PID1: variants seen among roughly 807,000 people sequenced by gnomAD.
PID1 encodes the protein PTB-containing, cubilin and LRP1-interacting protein.
A neutral mutation model predicts 19.1 loss-of-function variants in PID1; 10 were observed. That is an observed-to-expected ratio of 0.52 (90% CI 0.32 to 0.89). PID1 has a LOEUF of 0.89. PID1 is among the 40% of genes least tolerant of loss of function. The pLI, the probability that PID1 is intolerant of heterozygous loss-of-function variation, is 0.03. For missense variants in PID1, 248 were observed against 285.3 expected (o/e 0.87, Z 0.94); for synonymous variants, 130 against 116.0 (o/e 1.12, Z -0.78).
intron 2 of PID1, among the ~76,000 whole-genome samples, chr2:229,051,279 C>CA (rs1468357073): frequency 1.1e-4 from 17 of 151,924 alleles, no homozygotes; most frequent in South Asian, 2.1e-4. Context: ...GATAAATATG[C>CA]AAAAAAAGCT....
At chr2:229,260,304 T>C (rs944067367) in intron 1 of PID1, among the ~76,000 whole-genome samples, 1 of 151,928 alleles carries the variant, frequency 6.6e-6, no homozygotes, top group South Asian at 2.1e-4. Context: ...ACAACCTAAA[T>C]ACTCCCTCAA....
At chr2:229,064,997 T>C (rs1694292134) in intron 2 of PID1, among the ~76,000 whole-genome samples, 1 of 152,130 alleles carries the variant, frequency 6.6e-6, no homozygotes, top group Non-Finnish European at 1.5e-5. Context: ...AGTAGCCTTT[T>C]AAGTGAGGCA....
intron 2 of PID1, among the ~76,000 whole-genome samples, chr2:229,026,448 T>A (rs1183936687): frequency 3.9e-5 from 6 of 152,226 alleles, no homozygotes; most frequent in Non-Finnish European, 8.8e-5. Flanking sequence ...CATCATAAAG[T>A]CACTCAAAGT....
At chr2:229,189,484 CAG>C (rs1262488368) in intron 1 of PID1, among the ~76,000 whole-genome samples, 1 of 152,306 alleles carries the variant, frequency 6.6e-6, no homozygotes, top group East Asian at 1.9e-4. Flanking sequence ...CACCCGAAGA[CAG>C]GAGTTCAAGA....
At chr2:229,207,280 C>T (rs1691629269) in intron 1 of PID1, among the ~76,000 whole-genome samples, 1 of 151,982 alleles carries the variant, frequency 6.6e-6, no homozygotes, top group South Asian at 2.1e-4. Context: ...CAATCTTATT[C>T]TACCCTTCCA....
intron 2 of PID1, among the ~76,000 whole-genome samples, chr2:229,084,083 A>C (rs1268799127): frequency 6.6e-6 from 1 of 152,218 alleles, no homozygotes; most frequent in Non-Finnish European, 1.5e-5. Flanking sequence ...CGGACCCTTT[A>C]AATAGTTACA....
intron 1 of PID1, among the ~76,000 whole-genome samples, chr2:229,191,572 A>G (rs1019883319): frequency 3.3e-5 from 5 of 152,212 alleles, no homozygotes; most frequent in Admixed American, 2.0e-4. Flanking sequence ...CCCTGCAACT[A>G]AGCCCTAAAA....
chr2:229,058,727 G>GAA (rs5839294), intron 2 of PID1, among the ~76,000 whole-genome samples: 110,740 of 134,592 alleles, frequency 0.82, 46,840 homozygotes, highest in Non-Finnish European at 0.94. Flanking sequence ...GTAATAATTT[G>GAA]AAAAAAAAAA....
intron 1 of PID1, among the ~76,000 whole-genome samples, chr2:229,222,168 A>T (rs1193502164): frequency 1.3e-5 from 2 of 151,986 alleles, no homozygotes; most frequent in Non-Finnish European, 2.9e-5. Flanking sequence ...TTCCTTACTT[A>T]CCTCTAACTT....
intron 2 of PID1, among the ~76,000 whole-genome samples, chr2:229,109,389 A>T (rs1281669345): frequency 6.6e-6 from 1 of 152,220 alleles, no homozygotes; most frequent in African/African-American, 2.4e-5. Flanking sequence ...GGGGAGCAGA[A>T]AAACCTGTGT....
rs181852388 is a variant in PID1 at position 229,131,476 on chromosome 2, C to G, written c.177+24342G>C. ...AAACTTCTGACCTCAGGTGATCCAC[C>G]CATCTCAGCCTCCCGAAGTGCTGGG... On this transcript the variant is annotated intron_variant, in intron 2 of 2. Coordinates refer to ENST00000392055, the MANE Select transcript of PID1 (RefSeq NM_001100818.2). Among the ~76,000 whole-genome samples the G allele has an allele frequency of 3.9e-5, 6 of 152,250 alleles. No individual in the cohort carries two copies. In the East Asian group the frequency reaches 1.2e-3, roughly 29 times the overall value.
chr2:229,223,040 C>T (rs1274875203), intron 1 of PID1, among the ~76,000 whole-genome samples: 1 of 152,124 alleles, frequency 6.6e-6, no homozygotes, highest in African/African-American at 2.4e-5. Flanking sequence ...CTTTTTCCTA[C>T]ACATGGCTTT....
chr2:229,141,002 G>T (rs1690000413), intron 2 of PID1, among the ~76,000 whole-genome samples: 1 of 150,446 alleles, frequency 6.6e-6, no homozygotes, highest in Non-Finnish European at 1.5e-5. Context: ...TGCCCTAATA[G>T]GTCTGCACAT....
intron 1 of PID1, among the ~76,000 whole-genome samples, chr2:229,249,410 T>C (rs1236434495): frequency 6.6e-6 from 1 of 152,240 alleles, no homozygotes; most frequent in Non-Finnish European, 1.5e-5. Flanking sequence ...CCACAGAAAT[T>C]AAGAGAGATG....
At chr2:229,032,659 G>T (rs952661819) in intron 2 of PID1, among the ~76,000 whole-genome samples, 1 of 152,120 alleles carries the variant, frequency 6.6e-6, no homozygotes. Context: ...TGGAAATTGC[G>T]GTAAATACCA....
chr2:229,189,532 T>C (rs1463692033), intron 1 of PID1, among the ~76,000 whole-genome samples: 1 of 152,084 alleles, frequency 6.6e-6, no homozygotes, highest in Non-Finnish European at 1.5e-5. Flanking sequence ...CCATCTCTAC[T>C]AAAAACACAA....
intron 2 of PID1, among the ~76,000 whole-genome samples, chr2:229,066,666 A>G (rs908610933): frequency 6.6e-6 from 1 of 151,994 alleles, no homozygotes; most frequent in African/African-American, 2.4e-5. Context: ...GGTCCCTCAG[A>G]GACAGATATT....
At chr2:229,161,607 T>C (rs898941490) in intron 1 of PID1, among the ~76,000 whole-genome samples, 1 of 152,248 alleles carries the variant, frequency 6.6e-6, no homozygotes, top group Admixed American at 6.5e-5. Flanking sequence ...AAGTGAATCT[T>C]GTACTTATTT....
At chr2:229,221,623 C>A (rs773436583) in intron 1 of PID1, among the ~76,000 whole-genome samples, 1 of 152,128 alleles carries the variant, frequency 6.6e-6, no homozygotes, top group Non-Finnish European at 1.5e-5. Flanking sequence ...TTCAGTTTCC[C>A]TAGGCATCCC....
Sources: gnomAD v4.1 joint callset for allele counts (sites outside exome capture counted in the v4.1 genomes callset) on GRCh38, gnomAD v4.1.1 for gene constraint, MANE v1.5 for transcripts, NCBI Gene and HGNC (gene_info 2026-07-23, HGNC 2026-07-21) for gene names.